LMBRD1: variants seen among roughly 807,000 people sequenced by gnomAD.
The protein encoded by LMBRD1 is lysosomal cobalamin transport escort protein LMBD1.
In LMBRD1, 64 loss-of-function variants were observed where a neutral mutation model predicts 74.8. The ratio of observed to expected loss-of-function variants is 0.86; its 90% CI spans 0.70 to 1.05. The LOEUF is 1.05. Ranked by LOEUF, LMBRD1 falls within the 50% of genes least tolerant of loss-of-function variation. The pLI, the probability that LMBRD1 is intolerant of heterozygous loss-of-function variation, is 0.00. For synonymous variants in LMBRD1, 204 were observed against 216.3 expected, an observed-to-expected ratio of 0.94 and a Z score of 0.50; for missense variants, 652 against 645.9, an observed-to-expected ratio of 1.01 and a Z score of -0.10.
intron 3 of LMBRD1, among the ~76,000 whole-genome samples, chr6:69,767,417 A>G (rs1049288764): frequency 7.7e-4 from 117 of 151,746 alleles, no homozygotes; most frequent in Non-Finnish European, 4.7e-4. Flanking sequence ...TCTGTTCAAA[A>G]TATTCTCCAA....
At chr6:69,766,451 T>C (rs75469649) in intron 3 of LMBRD1, among the ~76,000 whole-genome samples, 2,463 of 152,076 alleles carry the variant, frequency 0.016, 54 homozygotes, top group African/African-American at 0.055. Context: ...GTATGTTAAG[T>C]AAAGTAATTT....
rs188479899 is a variant in LMBRD1, at chr6:69,772,021, T to C, written c.307+8473A>G. ...AAGGTTTTCAGCCTGAGAAACTCTA[T>C]CCTTCTTGTTGCTATCCACAAGAAA... On this transcript the variant is annotated intron_variant, in intron 3 of 15. Transcript: ENST00000649934. Among the ~76,000 whole-genome samples the C allele has an allele frequency of 2.6e-3, 395 of 152,322 alleles. 1 individual carries two copies. Among genetic ancestry groups the C allele is most frequent in the Non-Finnish European group, 3.7e-3 (249 of 68,024 alleles).
At chr6:69,705,259 A>T in intron 9 of LMBRD1, 1 of 707,416 alleles carries the variant, frequency 1.4e-6, no homozygotes. Flanking sequence ...AGACAGAAAA[A>T]TTTTAACAAA....
At chr6:69,795,478 C>A (rs748822850) in intron 1 of LMBRD1, among the ~76,000 whole-genome samples, 2 of 152,252 alleles carry the variant, frequency 1.3e-5, no homozygotes, top group Non-Finnish European at 2.9e-5. Context: ...CATCCTCTTA[C>A]AATTCACACC....
chr6:69,675,933 C>T lies in LMBRD1; in HGVS notation c.*225G>A, dbSNP rs1765534344. 1.4e-5 allele frequency: 7 copies of T among 504,262 alleles called. No homozygotes were observed. The highest frequency in any genetic ancestry group is 3.5e-6 in the Non-Finnish European group (1 of 281,862). 31.2% of individuals were successfully genotyped at this position (504,262 alleles called of 1,614,324 possible). ...AAAATTTTGCACAAACATTCCCTCACAAAGCCAGTAGTCTTATATTTACAT... is the reference window on the plus strand; with the variant it reads ...AAAATTTTGCACAAACATTCCCTCATAAAGCCAGTAGTCTTATATTTACAT... On this transcript the variant is annotated 3_prime_UTR_variant, in exon 16 of 16. Transcript: ENST00000649934.
intron 3 of LMBRD1, among the ~76,000 whole-genome samples, chr6:69,762,748 G>C (rs1222284131): frequency 6.6e-6 from 1 of 152,128 alleles, no homozygotes; most frequent in Non-Finnish European, 1.5e-5. Flanking sequence ...GGTGTCCTTA[G>C]AAGAAGAGGA....
intron 3 of LMBRD1, among the ~76,000 whole-genome samples, chr6:69,760,857 C>T (rs772605265): frequency 2.6e-5 from 4 of 152,098 alleles, no homozygotes; most frequent in Non-Finnish European, 5.9e-5. Flanking sequence ...ACTGATGTTA[C>T]AGGCCAAGAG....
At chr6:69,676,384 G>C in intron 15 of LMBRD1, 66 bp downstream of exon 15, 2 of 1,574,922 alleles carry the variant, frequency 1.3e-6, no homozygotes, top group Non-Finnish European at 1.7e-6. Context: ...AAGATAAAAA[G>C]AGTTTACACA....
intron 3 of LMBRD1, among the ~76,000 whole-genome samples, chr6:69,755,792 G>A (rs1240438446): frequency 2.6e-5 from 4 of 152,138 alleles, no homozygotes. Flanking sequence ...AAAACTGGTT[G>A]ATAAACTGAT....
chr6:69,727,354 A>G (rs992416020), intron 7 of LMBRD1, among the ~76,000 whole-genome samples: 3 of 152,162 alleles, frequency 2.0e-5, no homozygotes, highest in Admixed American at 2.0e-4. Context: ...AATAATTTTT[A>G]AAAGTGTTCC....
At chr6:69,758,973 G>C (rs1367998720) in intron 3 of LMBRD1, among the ~76,000 whole-genome samples, 1 of 152,034 alleles carries the variant, frequency 6.6e-6, no homozygotes, top group East Asian at 1.9e-4. Context: ...ATCTGATATG[G>C]TAACTATTCA....
intron 2 of LMBRD1, among the ~76,000 whole-genome samples, chr6:69,782,957 A>G (rs1765870738): frequency 6.6e-6 from 1 of 152,208 alleles, no homozygotes; most frequent in South Asian, 2.1e-4. Flanking sequence ...TAAATGCCAG[A>G]ATAGAAATAG....
chr6:69,707,284 G>A (rs1439690340), intron 9 of LMBRD1, among the ~76,000 whole-genome samples: 1 of 152,006 alleles, frequency 6.6e-6, no homozygotes, highest in African/African-American at 2.4e-5. Flanking sequence ...GCTTTTAAAG[G>A]TTCATGTTAT....
intron 3 of LMBRD1, among the ~76,000 whole-genome samples, chr6:69,776,214 A>G (rs1765697388): frequency 6.6e-6 from 1 of 152,252 alleles, no homozygotes; most frequent in African/African-American, 2.4e-5. Flanking sequence ...AAATGGGCCA[A>G]TAGATTTCAA....
At chr6:69,714,909 T>C (rs1177588916) in intron 8 of LMBRD1, among the ~76,000 whole-genome samples, 1 of 152,136 alleles carries the variant, frequency 6.6e-6, no homozygotes, top group Non-Finnish European at 1.5e-5. Flanking sequence ...TACATATATC[T>C]AGGCCCTATC....
chr6:69,698,640 A>T (rs989174532), intron 13 of LMBRD1, among the ~76,000 whole-genome samples: 1 of 152,050 alleles, frequency 6.6e-6, no homozygotes, highest in Admixed American at 6.6e-5. Flanking sequence ...TACATATAAA[A>T]TTTTTATAAA....
At position 69,676,089 on chromosome 6, in the gene LMBRD1, A is replaced by G; in HGVS notation, c.*69T>C. ...AAGCTAGTTAGCAAATCCTAATGTT[A>G]GTTTAATACTTTAAAAATGCATAAC... On this transcript the variant is annotated 3_prime_UTR_variant, in exon 16 of 16. Transcript: ENST00000649934. 8.1e-7 allele frequency: 1 copy of G among 1,241,326 alleles called. No individual in the cohort carries two copies. The highest frequency in any genetic ancestry group is 1.2e-6 in the Non-Finnish European group (1 of 848,128). The allele number at this position is 1,241,326 out of a possible 1,614,324, so 76.9% of individuals were successfully genotyped here. A position where few individuals can be genotyped will look rare whatever the true frequency, so the allele number is the denominator to read the frequency against.
intron 14 of LMBRD1, 41 bp from the exon 15 acceptor site, chr6:69,676,582 T>A: frequency 7.0e-7 from 1 of 1,424,434 alleles, no homozygotes; most frequent in Non-Finnish European, 9.9e-7. Flanking sequence ...ATAGGTTCTT[T>A]CATAAAATTG....
chr6:69,742,496 T>A (rs1209227740), intron 5 of LMBRD1, among the ~76,000 whole-genome samples: 1 of 152,124 alleles, frequency 6.6e-6, no homozygotes, highest in East Asian at 1.9e-4. Context: ...CTCTATGATC[T>A]TAGACTGGGA....
Sources: allele counts gnomAD v4.1 joint callset (sites outside exome capture counted in the v4.1 genomes callset), GRCh38; gene constraint gnomAD v4.1.1; transcripts MANE v1.5; gene names NCBI Gene and HGNC (gene_info 2026-07-23, HGNC 2026-07-21).